Variants in DLG2 observed in about 807,000 individuals in gnomAD.
DLG2 encodes the protein disks large homolog 2.
In DLG2, 45 loss-of-function variants were observed where a neutral mutation model predicts 132.5. That is an observed-to-expected ratio of 0.34 (90% CI 0.27 to 0.44). The LOEUF (loss-of-function observed/expected upper bound fraction) is 0.44. Among genes scored for constraint, DLG2 ranks in the 20% least tolerant of loss-of-function variants. The probability of loss-of-function intolerance (pLI) is 1.00; values close to 1 mark genes in which losing one functional copy is unlikely to be tolerated. For synonymous variants in DLG2, 424 were observed against 419.6 expected, an observed-to-expected ratio of 1.01 and a Z score of -0.13; for missense variants, 1,045 against 1,196.9, an observed-to-expected ratio of 0.87 and a Z score of 1.87.
At chr11:85,321,693 G>C (rs2081078805) in intron 3 of DLG2, among the ~76,000 whole-genome samples, 1 of 152,024 alleles carries the variant, frequency 6.6e-6, no homozygotes, top group African/African-American at 2.4e-5. Context: ...GCCAAATAGA[G>C]TTAAATGTAT....
At chr11:84,741,056 C>CT (rs1163275954) in intron 6 of DLG2, among the ~76,000 whole-genome samples, 1,515 of 79,328 alleles carry the variant, frequency 0.019, 246 homozygotes, top group African/African-American at 0.031. Flanking sequence ...TGCCTATGCT[C>CT]TTTTTTTTTT....
intron 6 of DLG2, among the ~76,000 whole-genome samples, chr11:84,976,182 A>AT (rs941556582): frequency 6.6e-6 from 1 of 152,138 alleles, no homozygotes; most frequent in East Asian, 1.9e-4. Context: ...GAAGACTGGA[A>AT]TTTTTTTGTG....
chr11:84,909,846 A>C (rs2091899550), intron 6 of DLG2, among the ~76,000 whole-genome samples: 1 of 152,184 alleles, frequency 6.6e-6, no homozygotes, highest in South Asian at 2.1e-4. Flanking sequence ...TGTTCCCATG[A>C]GATTTGATGG....
In DLG2 at chr11:84,468,596, C is replaced by T. The variant is rs543812374; in HGVS notation, c.519+65974G>A. On this transcript the variant is annotated intron_variant, in intron 7 of 27. Coordinates refer to ENST00000376104, the MANE Select transcript of DLG2 (RefSeq NM_001142699.3). The stretch of plus-strand genomic sequence containing the variant: ...CTGCTGTTAGTGTTTGAGATGAGTG[C>T]CTTTTAACACTTTCAATTTTGTCCA... Among the ~76,000 whole-genome samples the T allele has an allele frequency of 1.9e-4, 29 of 151,602 alleles. No individual in the cohort carries two copies. In the South Asian group the frequency reaches 5.6e-3, roughly 29 times the overall value.
chr11:85,193,688 G>A (rs922676629), intron 4 of DLG2, among the ~76,000 whole-genome samples: 6 of 152,036 alleles, frequency 3.9e-5, no homozygotes, highest in Admixed American at 6.5e-5. Flanking sequence ...GAAGAATTAC[G>A]TATTCAAATT....
intron 6 of DLG2, among the ~76,000 whole-genome samples, chr11:84,829,350 C>T (rs1451450520): frequency 2.0e-5 from 3 of 151,622 alleles, no homozygotes; most frequent in African/African-American, 4.8e-5. Context: ...CTTTCACAGC[C>T]ACCATAGGGG....
intron 6 of DLG2, among the ~76,000 whole-genome samples, chr11:84,660,398 C>G (rs2099693260): frequency 6.6e-6 from 1 of 152,154 alleles, no homozygotes; most frequent in African/African-American, 2.4e-5. Flanking sequence ...TTCATTTGCT[C>G]TGGCAAAACA....
At chr11:85,494,734 G>C (rs942579830) in intron 3 of DLG2, among the ~76,000 whole-genome samples, 5 of 151,964 alleles carry the variant, frequency 3.3e-5, no homozygotes, top group East Asian at 1.9e-4. Flanking sequence ...AACCAATAAA[G>C]AGTTTTGGCT....
chr11:84,503,215 G>A (rs948023921), intron 7 of DLG2, among the ~76,000 whole-genome samples: 3 of 152,086 alleles, frequency 2.0e-5, no homozygotes, highest in South Asian at 2.1e-4. Context: ...CTAAGAAAAC[G>A]CTCGAAGATA....
At chr11:85,426,036 A>C (rs778895518) in intron 3 of DLG2, among the ~76,000 whole-genome samples, 3 of 152,186 alleles carry the variant, frequency 2.0e-5, no homozygotes, top group African/African-American at 7.2e-5. Flanking sequence ...AGCCTTGTTC[A>C]TTGCTAGCGC....
chr11:83,975,060 C>T (rs529281041), intron 12 of DLG2, among the ~76,000 whole-genome samples: 3 of 152,184 alleles, frequency 2.0e-5, no homozygotes, highest in South Asian at 2.1e-4. Context: ...ATAACTAATG[C>T]TGTCCCTGCA....
chr11:83,738,753 A>C (rs1489889298), intron 18 of DLG2, among the ~76,000 whole-genome samples: 1 of 152,180 alleles, frequency 6.6e-6, no homozygotes, highest in Non-Finnish European at 1.5e-5. Flanking sequence ...GACTTCCTAC[A>C]CACCTCTCAT....
At chr11:85,390,580 A>G (rs2086713581) in intron 3 of DLG2, among the ~76,000 whole-genome samples, 1 of 152,044 alleles carries the variant, frequency 6.6e-6, no homozygotes, top group South Asian at 2.1e-4. Context: ...TCTAAATTAT[A>G]GCAAGTATTC....
At chr11:84,787,437 A>AT (rs1438151253) in intron 6 of DLG2, among the ~76,000 whole-genome samples, 1 of 152,076 alleles carries the variant, frequency 6.6e-6, no homozygotes, top group Non-Finnish European at 1.5e-5. Flanking sequence ...TAAATAATTA[A>AT]TTTATTCTTT....
At chr11:85,049,180 G>A (rs907977480) in intron 6 of DLG2, among the ~76,000 whole-genome samples, 1 of 151,894 alleles carries the variant, frequency 6.6e-6, no homozygotes, top group Non-Finnish European at 1.5e-5. Context: ...AGGGATTCAG[G>A]ACTTGCAAAA....
chr11:84,556,633 G>A (rs1033853469), intron 6 of DLG2, among the ~76,000 whole-genome samples: 5 of 152,194 alleles, frequency 3.3e-5, no homozygotes, highest in African/African-American at 7.2e-5. Context: ...CCCACAGGCC[G>A]CAGGTTGGAC....
At chr11:84,166,500 C>CAAAAAAAAAAAAAA (rs398016937) in intron 8 of DLG2, among the ~76,000 whole-genome samples, 23 of 80,746 alleles carry the variant, frequency 2.8e-4, no homozygotes, top group East Asian at 7.4e-4. Flanking sequence ...GACTCTGCTT[C>CAAAAAAAAAAAAAA]AAAAAAAAAA....
intron 3 of DLG2, among the ~76,000 whole-genome samples, chr11:85,558,832 G>A (rs2077067631): frequency 6.6e-6 from 1 of 151,796 alleles, no homozygotes; most frequent in African/African-American, 2.4e-5. Context: ...ACTAACTACT[G>A]GGTACTATGC....
intron 18 of DLG2, among the ~76,000 whole-genome samples, chr11:83,650,456 G>A (rs2069849217): frequency 6.6e-6 from 1 of 152,146 alleles, no homozygotes; most frequent in East Asian, 1.9e-4. Flanking sequence ...TTCTTATAGA[G>A]TCTTCACGGG....
Sources: allele counts gnomAD v4.1 joint callset (sites outside exome capture counted in the v4.1 genomes callset), GRCh38; gene constraint gnomAD v4.1.1; transcripts MANE v1.5; gene names NCBI Gene and HGNC (gene_info 2026-07-23, HGNC 2026-07-21).